Variants in RANBP2 observed in about 807,000 individuals in gnomAD.
RANBP2 encodes the protein RAN binding protein 2, also known as E3 SUMO-protein ligase RanBP2.
Under a neutral mutation model 303.6 loss-of-function variants are expected in RANBP2, and 57 were observed. That is an observed-to-expected ratio of 0.19 (90% CI 0.15 to 0.23). The LOEUF is 0.23. Ranked by LOEUF, RANBP2 falls within the 10% of genes least tolerant of loss-of-function variation. The probability of loss-of-function intolerance (pLI) is 1.00; values close to 1 mark genes in which losing one functional copy is unlikely to be tolerated. For synonymous variants in RANBP2, 1,167 were observed against 1,301.5 expected, an observed-to-expected ratio of 0.90 and a Z score of 2.23; for missense variants, 3,138 against 3,780.8, an observed-to-expected ratio of 0.83 and a Z score of 4.46.
chr2:109,364,159 GT>G, the RANBP2 span, among the ~76,000 whole-genome samples: 2,324 of 141,844 alleles, frequency 0.016, 49 homozygotes, highest in African/African-American at 0.055. Context: ...CTCCATTATG[GT>G]TTTTTTTTTT....
At chr2:109,490,777 G>C in the RANBP2 span, 1 of 1,536,688 alleles carries the variant, frequency 6.5e-7, no homozygotes, top group East Asian at 2.4e-5. Flanking sequence ...GGCAGGGCAG[G>C]GTCCTGCCCC....
At chr2:109,034,934 G>C in the RANBP2 span, among the ~76,000 whole-genome samples, 15 of 152,234 alleles carry the variant, frequency 9.9e-5, no homozygotes, top group East Asian at 2.7e-3. Context: ...GAGAAGTGAG[G>C]GGGCACATTT....
the RANBP2 span, among the ~76,000 whole-genome samples, chr2:109,271,293 G>A: frequency 4.2e-4 from 64 of 152,306 alleles, 1 homozygote; most frequent in South Asian, 0.013. Flanking sequence ...ACCTTGTTTG[G>A]TGTGAAATCT....
the RANBP2 span, among the ~76,000 whole-genome samples, chr2:109,170,321 C>T: frequency 7.7e-6 from 1 of 130,288 alleles, no homozygotes. Context: ...TCTCTCCTCT[C>T]TCTCTCTCCT....
At chr2:109,040,113 C>T in the RANBP2 span, among the ~76,000 whole-genome samples, 28 of 152,092 alleles carry the variant, frequency 1.8e-4, no homozygotes, top group Admixed American at 1.7e-3. Flanking sequence ...TATAATGCAC[C>T]TGGAATTAAT....
the RANBP2 span, among the ~76,000 whole-genome samples, chr2:109,690,801 T>C: frequency 6.6e-6 from 1 of 152,192 alleles, no homozygotes; most frequent in Non-Finnish European, 1.5e-5. Flanking sequence ...AGAATTCTGC[T>C]AAGCCTAGGC....
the RANBP2 span, among the ~76,000 whole-genome samples, chr2:109,013,987 A>G: frequency 1.3e-5 from 2 of 152,248 alleles, no homozygotes; most frequent in African/African-American, 4.8e-5. Context: ...TTGAGCGACA[A>G]TGGAGACATT....
chr2:109,266,765 CAG>C, the RANBP2 span, among the ~76,000 whole-genome samples: 24 of 152,192 alleles, frequency 1.6e-4, no homozygotes, highest in African/African-American at 3.9e-4. Context: ...TAACAAGAGA[CAG>C]GGGTGAGCGT....
the RANBP2 span, among the ~76,000 whole-genome samples, chr2:108,870,459 A>C: frequency 6.6e-6 from 1 of 152,252 alleles, no homozygotes; most frequent in African/African-American, 2.4e-5. Context: ...ATAATAGCTG[A>C]AAACTTATCA....
the RANBP2 span, among the ~76,000 whole-genome samples, chr2:109,736,985 A>C: frequency 6.6e-6 from 1 of 152,136 alleles, no homozygotes; most frequent in African/African-American, 2.4e-5. Context: ...GTCATGTTAC[A>C]AATAAGTGAG....
intron 6 of RANBP2, among the ~76,000 whole-genome samples, chr2:108,737,718 T>TG (rs1558883838): frequency 6.7e-6 from 1 of 149,046 alleles, no homozygotes; most frequent in East Asian, 2.0e-4. Flanking sequence ...CTGGCTAATT[T>TG]TTTTTTTTTT....
the RANBP2 span, among the ~76,000 whole-genome samples, chr2:109,577,240 T>G: frequency 2.0e-5 from 3 of 152,214 alleles, no homozygotes; most frequent in Middle Eastern, 3.4e-3. Context: ...ACACAGAAAT[T>G]TTTGGTTAAT....
chr2:109,032,790 T>C, the RANBP2 span, among the ~76,000 whole-genome samples: 319 of 152,292 alleles, frequency 2.1e-3, 1 homozygote, highest in Middle Eastern at 6.8e-3. Flanking sequence ...AACAATAATT[T>C]CCCTCCGGTT....
At chr2:109,116,363 C>G in the RANBP2 span, among the ~76,000 whole-genome samples, 119 of 152,300 alleles carry the variant, frequency 7.8e-4, 1 homozygote, top group African/African-American at 2.6e-3. Flanking sequence ...CTTCCCTTCT[C>G]ACTTCATTTC....
At chr2:109,250,548 T>C in the RANBP2 span, among the ~76,000 whole-genome samples, 4 of 152,018 alleles carry the variant, frequency 2.6e-5, no homozygotes, top group Non-Finnish European at 5.9e-5. Context: ...TTGACCGTTT[T>C]TCTTTTTCAA....
intron 23 of RANBP2, among the ~76,000 whole-genome samples, chr2:108,774,586 G>A (rs1677742697): frequency 1.3e-5 from 2 of 152,060 alleles, no homozygotes; most frequent in South Asian, 4.1e-4. Context: ...TTTAAATGTT[G>A]AGCAGTTTTT....
the RANBP2 span, among the ~76,000 whole-genome samples, chr2:108,800,062 G>A: frequency 6.6e-6 from 1 of 151,976 alleles, no homozygotes; most frequent in Non-Finnish European, 1.5e-5. Flanking sequence ...TGTATCACCT[G>A]TATCATCTCA....
the RANBP2 span, among the ~76,000 whole-genome samples, chr2:109,732,424 G>A: frequency 2.4e-4 from 37 of 152,062 alleles, no homozygotes; most frequent in East Asian, 1.2e-3. Flanking sequence ...TAAAAGACTC[G>A]TGGGAAACCA....
the RANBP2 span, among the ~76,000 whole-genome samples, chr2:108,935,799 C>G: frequency 6.6e-6 from 1 of 152,200 alleles, no homozygotes; most frequent in Non-Finnish European, 1.5e-5. Context: ...GGTCCCTGCT[C>G]TATTGGGCCT....
Sources: gnomAD v4.1 joint callset for allele counts (sites outside exome capture counted in the v4.1 genomes callset) on GRCh38, gnomAD v4.1.1 for gene constraint, MANE v1.5 for transcripts, NCBI Gene and HGNC (gene_info 2026-07-23, HGNC 2026-07-21) for gene names.